PRDM10: variants seen among roughly 807,000 people sequenced by gnomAD.
PRDM10 encodes the protein PR/SET domain 10, also known as PR domain zinc finger protein 10.
In PRDM10, 65 loss-of-function variants were observed where a neutral mutation model predicts 133.1. That is an observed-to-expected ratio of 0.49 (90% CI 0.40 to 0.60). The LOEUF is 0.60. Ranked by LOEUF, PRDM10 falls within the 20% of genes least tolerant of loss-of-function variation. The pLI is 0.00. For synonymous variants in PRDM10, 582 were observed against 580.4 expected, an observed-to-expected ratio of 1.00 and a Z score of -0.04; for missense variants, 1,137 against 1,507.1, an observed-to-expected ratio of 0.75 and a Z score of 4.07.
chr11:129,944,677 CTAAGAAACAGGAA>C, intron 6 of PRDM10, 81 bp downstream of exon 6: 1 of 1,499,984 alleles, frequency 6.7e-7, no homozygotes, highest in Non-Finnish European at 9.0e-7. Flanking sequence ...CAAACAACTG[CTAAGAAACAGGAA>C]TAAGAGACTG....
At chr11:129,969,102 G>A (rs1287483808) in intron 1 of PRDM10, among the ~76,000 whole-genome samples, 1 of 152,154 alleles carries the variant, frequency 6.6e-6, no homozygotes, top group Non-Finnish European at 1.5e-5. Context: ...TTCCTCTAGG[G>A]GAAAAGGCTT....
At position 129,923,930 on chromosome 11, in the gene PRDM10, T is replaced by C. The variant is rs1950599428; in HGVS notation, c.1879-527A>G. On this transcript the variant is annotated intron_variant, in intron 12 of 20. Transcript: ENST00000360871. The surrounding 1 kb of genome is among the most constrained non-coding windows in gnomAD (Gnocchi z 4.4). ...AGAATTAAAGACATGAATGAGTGGA[T>C]ACAGAAGACATTACCGGTTTGTGAG... is the stretch of plus-strand genomic sequence containing the variant. Among the ~76,000 whole-genome samples the C allele has an allele frequency of 6.6e-6, 1 of 152,246 alleles. No individual in the cohort carries two copies. Among genetic ancestry groups the C allele is most frequent in the Non-Finnish European group, 1.5e-5 (1 of 68,036 alleles).
chr11:130,000,816 A>G (rs1202158369), intron 1 of PRDM10, among the ~76,000 whole-genome samples: 2 of 152,194 alleles, frequency 1.3e-5, no homozygotes, highest in Non-Finnish European at 2.9e-5. Flanking sequence ...TTGTAAAAGT[A>G]AACCTAAAGG....
chr11:129,974,750 T>C (rs1271244541), intron 1 of PRDM10, among the ~76,000 whole-genome samples: 2 of 152,224 alleles, frequency 1.3e-5, no homozygotes, highest in Admixed American at 6.5e-5. Context: ...GTACCCGATA[T>C]GCTGCTCTTC....
At chr11:129,956,038 T>C (rs1468263301) in intron 3 of PRDM10, among the ~76,000 whole-genome samples, 1 of 152,188 alleles carries the variant, frequency 6.6e-6, no homozygotes, top group African/African-American at 2.4e-5. Context: ...TGTAAGTGCA[T>C]GTTTATTATC....
At chr11:129,940,710 C>T (rs1429775018) in intron 7 of PRDM10, among the ~76,000 whole-genome samples, 2 of 152,106 alleles carry the variant, frequency 1.3e-5, no homozygotes, top group African/African-American at 4.8e-5. Context: ...TGTTTTAAAA[C>T]TTTTTTTTAC....
chr11:129,944,978 C>G lies in PRDM10; in HGVS notation c.555G>C (p.Val185=), dbSNP rs748223025. The G allele has an allele frequency of 8.7e-6, 14 of 1,612,632 alleles. No individual in the cohort carries two copies. In the African/African-American group the frequency reaches 1.9e-4, roughly 22 times the overall value. The change falls in exon 6 of 21, where the codon GTG becomes GTC. Residue 185 remains valine, a synonymous_variant. Coordinates refer to ENST00000360871, the MANE Select transcript of PRDM10 (RefSeq NM_199437.2). The stretch of plus-strand genomic sequence containing the variant: ...GGTGCAAGGGGCCGTGCTTCGGACA[C>G]ACTGAAGCATGCGCGTTATTGCACT... ...CEECNNAHAS[V]CPKHGPLHPI... is the part of the protein sequence containing the mutation.
intron 11 of PRDM10, among the ~76,000 whole-genome samples, chr11:129,927,902 G>A (rs1331059008): frequency 6.9e-6 from 1 of 144,610 alleles, no homozygotes; most frequent in Admixed American, 7.0e-5. Context: ...GTCGGAGAGA[G>A]CGCACAGATC....
chr11:129,939,426 T>C (rs540334916), intron 7 of PRDM10, among the ~76,000 whole-genome samples: 1 of 152,358 alleles, frequency 6.6e-6, no homozygotes, highest in Non-Finnish European at 1.5e-5. Context: ...GTTGCACTTT[T>C]AGATGGATTA....
At position 129,963,590 on chromosome 11, in the gene PRDM10, TG is replaced by T. The variant is rs1163691953; in HGVS notation, c.-118-2509del. ...ACTCCAGTTCCCTGCATGTTAACATTGTACCATGTTTACTTTACTATTTCCC... is the reference window on the plus strand; with the variant it reads ...ACTCCAGTTCCCTGCATGTTAACATTTACCATGTTTACTTTACTATTTCCC... On this transcript the variant is annotated intron_variant, in intron 1 of 20. Coordinates refer to ENST00000360871, the MANE Select transcript of PRDM10 (RefSeq NM_199437.2). Among the ~76,000 whole-genome samples the T allele has an allele frequency of 2.6e-5, 4 of 152,174 alleles. No homozygotes were observed. The East Asian group carries it at 7.7e-4, about 29-fold the overall frequency.
intron 1 of PRDM10, among the ~76,000 whole-genome samples, chr11:130,000,404 C>G (rs1939286098): frequency 6.6e-6 from 1 of 152,122 alleles, no homozygotes; most frequent in Admixed American, 6.6e-5. Context: ...AAAAACAAAA[C>G]AGGCAAGCAG....
At chr11:129,936,063 G>A (rs951228301) in intron 8 of PRDM10, among the ~76,000 whole-genome samples, 4 of 152,184 alleles carry the variant, frequency 2.6e-5, no homozygotes, top group Non-Finnish European at 5.9e-5. Flanking sequence ...GGAGCTGGCA[G>A]TCAAGCTTGA....
chr11:130,002,409 C>A (rs1336982330), intron 1 of PRDM10, among the ~76,000 whole-genome samples: 1 of 152,166 alleles, frequency 6.6e-6, no homozygotes, highest in African/African-American at 2.4e-5. Flanking sequence ...GGAGGGCCTG[C>A]TGGAGGGGGC....
intron 1 of PRDM10, among the ~76,000 whole-genome samples, chr11:129,991,507 A>C (rs1005978710): frequency 6.6e-6 from 1 of 152,112 alleles, no homozygotes; most frequent in Non-Finnish European, 1.5e-5. Flanking sequence ...AACATGGTGA[A>C]ACCCTGTCTC....
rs1950434100 is a variant in PRDM10, at chr11:129,918,728, G to C, written c.2035-10C>G. On this transcript the variant is annotated splice_polypyrimidine_tract_variant and intron_variant, in intron 13 of 20. Transcript: ENST00000360871. The surrounding 1 kb of genome is among the most constrained non-coding windows in gnomAD (Gnocchi z 5.3). ...GTAGTTTGTCTTTTCGCTATTTGGAGAGTATTTTTGAAAACGGGGTAGACA... is the reference window on the plus strand; with the variant it reads ...GTAGTTTGTCTTTTCGCTATTTGGACAGTATTTTTGAAAACGGGGTAGACA... 4 of 1,596,214 alleles carry C rather than the reference G, an allele frequency of 2.5e-6. No individual in the cohort carries two copies. The highest frequency in any genetic ancestry group is 3.4e-6 in the Non-Finnish European group (4 of 1,169,476).
chr11:129,948,328 G>A (rs1392199705), intron 4 of PRDM10, among the ~76,000 whole-genome samples: 1 of 152,120 alleles, frequency 6.6e-6, no homozygotes, highest in Non-Finnish European at 1.5e-5. Flanking sequence ...AATAAAGCAA[G>A]TTTTTAAAAA....
chr11:129,969,275 T>A (rs751049601), intron 1 of PRDM10, among the ~76,000 whole-genome samples: 1 of 152,170 alleles, frequency 6.6e-6, no homozygotes, highest in Admixed American at 6.5e-5. Flanking sequence ...GCAATTAGTC[T>A]CCATTTAAAG....
intron 1 of PRDM10, among the ~76,000 whole-genome samples, chr11:129,980,242 CACA>C (rs1938029240): frequency 6.6e-6 from 1 of 152,176 alleles, no homozygotes; most frequent in South Asian, 2.1e-4. Context: ...AAGACTTAGA[CACA>C]ACGTTTATGG....
intron 17 of PRDM10, among the ~76,000 whole-genome samples, chr11:129,913,219 C>CAA (rs750114740): frequency 1.8e-4 from 14 of 78,814 alleles, no homozygotes; most frequent in South Asian, 1.3e-3. Flanking sequence ...ACCCTGTCTC[C>CAA]AAAAAAAAAA....
Sources: gnomAD v4.1 joint callset for allele counts (sites outside exome capture counted in the v4.1 genomes callset) on GRCh38, gnomAD v4.1.1 for gene constraint, Gnocchi (gnomAD v3.1) non-coding constraint, MANE v1.5 for transcripts, NCBI Gene and HGNC (gene_info 2026-07-23, HGNC 2026-07-21) for gene names.